The following RPL7 variants were observed in gnomAD, a reference collection of about 807,000 sequenced individuals.
RPL7 encodes the protein large ribosomal subunit protein uL30.
For synonymous variants in RPL7, 100 were observed against 102.2 expected (o/e 0.98, Z 0.13); for missense variants, 205 against 301.9 (o/e 0.68, Z 2.38).
chr8:73,291,309 TA>T, intron 5 of RPL7, 57 bp from the exon 6 acceptor site: 1 of 1,403,308 alleles, frequency 7.1e-7, no homozygotes, highest in South Asian at 1.3e-5. Flanking sequence ...TTGAAATAAT[TA>T]TTCAAAATCT....
chr8:73,291,492 C>A, intron 5 of RPL7, 60 bp downstream of exon 5: 13 of 1,247,314 alleles, frequency 1.0e-5, no homozygotes, highest in Non-Finnish European at 1.5e-5. Context: ...TGTACGGCCA[C>A]AAGAGGGTAA....
intron 4 of RPL7, 24 bp from the exon 5 acceptor site, chr8:73,291,685 A>G (rs765243143): frequency 1.3e-6 from 2 of 1,590,438 alleles, no homozygotes; most frequent in Non-Finnish European, 1.7e-6. Flanking sequence ...GCAAACATAA[A>G]TAAGGTGACC....
intron 2 of RPL7, 70 bp from the exon 3 acceptor site, chr8:73,292,475 G>T: frequency 7.2e-7 from 1 of 1,390,468 alleles, no homozygotes; most frequent in East Asian, 2.3e-5. Context: ...TCATTAAAAA[G>T]AAAACTACAA....
chr8:73,292,026 T>C (rs1814109014), intron 3 of RPL7, 116 bp from the exon 4 acceptor site: 1 of 1,360,074 alleles, frequency 7.4e-7, no homozygotes, highest in Non-Finnish European at 1.0e-6. Context: ...CCTCTCATGT[T>C]ACACACTGAA....
intron 1 of RPL7, chr8:73,293,124 G>C: frequency 3.7e-6 from 1 of 271,026 alleles, no homozygotes; most frequent in South Asian, 1.2e-4. Flanking sequence ...AAATGTACTA[G>C]CTGAAAGACT....
intron 2 of RPL7, 113 bp downstream of exon 2, chr8:73,292,576 C>T (rs1378296542): frequency 9.9e-7 from 1 of 1,007,026 alleles, no homozygotes; most frequent in Admixed American, 2.3e-5. Context: ...CATTAGGTAG[C>T]TAAGCAATTA....
rs1267585209 is a variant in RPL7, at chr8:73,291,207, T to C, written c.584A>G (p.Tyr195Cys). Reference protein sequence around the residue: ...ICMEDLIHEIYTVGKRFKEAN... With the variant: ...ICMEDLIHEICTVGKRFKEAN... ...CTCTTTGAAGCGTTTTCCAACAGTA[T>C]AGATCTCATGAATCAAATCCTCCAT... Residue 195 changes from tyrosine (Y) to cysteine (C), a missense_variant, in exon 6 of 7, where the codon TAT (tyrosine) becomes TGT (cysteine). Tyr to Cys is a radical substitution (Grantham distance 194). Transcript: ENST00000352983. 1.9e-6 allele frequency: 3 copies of C among 1,610,866 alleles called. No individual in the cohort carries two copies. Among genetic ancestry groups the C allele is most frequent in the Non-Finnish European group, 2.5e-6 (3 of 1,177,510 alleles).
intron 1 of RPL7, 123 bp downstream of exon 1, chr8:73,293,476 T>G (rs1586183068): frequency 1.3e-6 from 1 of 779,252 alleles, no homozygotes; most frequent in Non-Finnish European, 1.9e-6. Flanking sequence ...TCACACAGCG[T>G]TCACAATCAA....
chr8:73,291,748 A>C, intron 4 of RPL7, 25 bp downstream of exon 4: 8 of 1,594,534 alleles, frequency 5.0e-6, no homozygotes, highest in Non-Finnish European at 6.9e-6. Context: ...TATCAAATAG[A>C]AATCAAAGGA....
chr8:73,293,147 T>C (rs1374501818), intron 1 of RPL7: 1 of 257,834 alleles, frequency 3.9e-6, no homozygotes, highest in Non-Finnish European at 7.2e-6. Context: ...TGCAAGGCAC[T>C]GACCCCGAGA....
Position 73,291,798 on chromosome 8 carries a change from T to C in RPL7, c.403A>G (p.Ile135Val). The C allele has an allele frequency of 6.2e-7, 1 of 1,609,872 alleles. No homozygotes were observed. Among genetic ancestry groups the C allele is most frequent in the Non-Finnish European group, 8.5e-7 (1 of 1,176,324 alleles). ...CCCCATGCAATATATGGCTCTACAA[T>C]CCTCAGCATGTTAATCGAAGCCTTG... ...LNKASINMLR[I>V]VEPYIAWGYP... Residue 135 changes from isoleucine (I) to valine (V), a missense_variant, in exon 4 of 7, where the codon ATT (isoleucine) becomes GTT (valine). By Grantham distance (29) the Ile-to-Val change is conservative. Transcript: ENST00000352983.
intron 1 of RPL7, chr8:73,293,022 A>G: frequency 2.5e-6 from 1 of 405,618 alleles, no homozygotes; most frequent in Non-Finnish European, 4.4e-6. Context: ...TGACAATAGC[A>G]ATACGTTTTT....
intron 1 of RPL7, 84 bp downstream of exon 1, chr8:73,293,515 C>T: frequency 1.3e-6 from 2 of 1,536,564 alleles, no homozygotes; most frequent in African/African-American, 1.4e-5. Context: ...GTGCAAGCTA[C>T]GGCCAGAGAG....
intron 1 of RPL7, chr8:73,293,166 G>A (rs1044511378): frequency 2.2e-5 from 5 of 229,356 alleles, no homozygotes; most frequent in African/African-American, 6.9e-5. Flanking sequence ...GACTTTAAGC[G>A]CAAAAATTAA....
chr8:73,290,813 A>G (rs1324244258), intron 6 of RPL7, 108 bp from the exon 7 acceptor site: 2 of 495,622 alleles, frequency 4.0e-6, no homozygotes, highest in African/African-American at 3.9e-5. Context: ...AAGACCACCC[A>G]ATTTCCATCT....
At chr8:73,293,392 C>T in intron 1 of RPL7, 1 of 574,292 alleles carries the variant, frequency 1.7e-6, no homozygotes, top group Non-Finnish European at 3.1e-6. Context: ...CCCGACATCT[C>T]GTTCCCGGGA....
rs1814087979 is a variant in RPL7, at chr8:73,291,267, G to A, written c.539-15C>T. 3.8e-6 allele frequency: 6 copies of A among 1,585,118 alleles called. No homozygotes were observed. The highest frequency in any genetic ancestry group is 1.4e-5 in the African/African-American group (1 of 73,644). ...GCCGTATTTACCTAAATATTTTAAG[G>A]TTATTTAAGATTATTAAAGTTGCAA... On this transcript the variant is annotated splice_polypyrimidine_tract_variant and intron_variant, in intron 5 of 6. Transcript: ENST00000352983.
At position 73,293,623 on chromosome 8, in the gene RPL7, G is replaced by T. The variant is rs370333348; in HGVS notation, c.-11C>A. The T allele has an allele frequency of 6.2e-7, 1 of 1,613,492 alleles. No homozygotes were observed. Among genetic ancestry groups the T allele is most frequent in the Non-Finnish European group, 8.5e-7 (1 of 1,179,748 alleles). The stretch of plus-strand genomic sequence containing the variant: ...CTCTACACCCTCCATGGTTCCAGCC[G>T]GAAAAAGAGGAAGTTGGCGCATGCG... On this transcript the variant is annotated 5_prime_UTR_variant, in exon 1 of 7. Transcript: ENST00000352983.
At chr8:73,293,325 G>T in intron 1 of RPL7, 1 of 475,842 alleles carries the variant, frequency 2.1e-6, no homozygotes, top group Non-Finnish European at 3.8e-6. Flanking sequence ...TCCCCCGAAA[G>T]ACCCTCTACC....
Sources: gnomAD v4.1 joint callset for allele counts on GRCh38, gnomAD v4.1.1 for gene constraint, MANE v1.5 for transcripts, NCBI Gene and HGNC (gene_info 2026-07-23, HGNC 2026-07-21) for gene names.